PARL: variants seen among roughly 807,000 people sequenced by gnomAD.
The protein encoded by PARL is presenilin associated rhomboid like, also known as presenilin-associated rhomboid-like protein, mitochondrial.
PARL carries 44 observed loss-of-function variants against 51.6 expected under a neutral mutation model. That is an observed-to-expected ratio of 0.85 (90% confidence interval 0.67 to 1.10). The LOEUF is 1.10. Ranked by LOEUF, PARL falls within the 50% of genes least tolerant of loss-of-function variation. The pLI is 0.00. For missense variants in PARL, 441 were observed against 469.5 expected (o/e 0.94, Z 0.56); for synonymous variants, 172 against 164.0 (o/e 1.05, Z -0.37).
chr3:183,873,653 G>A (rs1011914850), intron 1 of PARL, among the ~76,000 whole-genome samples: 3 of 152,036 alleles, frequency 2.0e-5, no homozygotes, highest in Non-Finnish European at 2.9e-5. Context: ...CAAAGGATAA[G>A]AAATACAAAG....
intron 4 of PARL, among the ~76,000 whole-genome samples, chr3:183,855,264 A>G (rs954393788): frequency 6.6e-6 from 1 of 152,148 alleles, no homozygotes; most frequent in African/African-American, 2.4e-5. Flanking sequence ...AATATAATAA[A>G]AACCACTGAA....
chr3:183,826,829 C>G, downstream of PARL: 4 of 951,794 alleles, frequency 4.2e-6, no homozygotes, highest in Non-Finnish European at 5.0e-6. Context: ...GCGCTTGGGA[C>G]TAAAATTCTC....
downstream of PARL, among the ~76,000 whole-genome samples, chr3:183,828,435 G>A (rs530889894): frequency 2.6e-5 from 4 of 152,282 alleles, no homozygotes; most frequent in Admixed American, 6.5e-5. Flanking sequence ...CCGTTTCCTC[G>A]CTGGCAAAAT....
intron 1 of PARL, among the ~76,000 whole-genome samples, chr3:183,882,524 A>G (rs1734688188): frequency 1.3e-5 from 2 of 151,796 alleles, no homozygotes; most frequent in Non-Finnish European, 2.9e-5. Context: ...CAATTCAACT[A>G]TTTTCTTCCC....
intron 6 of PARL, among the ~76,000 whole-genome samples, chr3:183,841,692 A>G (rs1222279933): frequency 6.6e-6 from 1 of 152,246 alleles, no homozygotes; most frequent in Non-Finnish European, 1.5e-5. Context: ...CTGTCACGTT[A>G]GCAGCATCTA....
At chr3:183,841,078 T>C (rs1729256949) in intron 6 of PARL, among the ~76,000 whole-genome samples, 2 of 152,128 alleles carry the variant, frequency 1.3e-5, no homozygotes, top group African/African-American at 4.8e-5. Flanking sequence ...TCCTCAACTA[T>C]AACATGAAGA....
chr3:183,828,491 A>C (rs1270394231), downstream of PARL, among the ~76,000 whole-genome samples: 1 of 152,218 alleles, frequency 6.6e-6, no homozygotes, highest in African/African-American at 2.4e-5. Flanking sequence ...CGAGTTTAGA[A>C]CAGAATCCTG....
chr3:183,827,257 G>A (rs927805380), downstream of PARL, among the ~76,000 whole-genome samples: 6 of 152,078 alleles, frequency 3.9e-5, no homozygotes, highest in Non-Finnish European at 8.8e-5. Flanking sequence ...TTTGAGAACT[G>A]CCTGGGCAAC....
At chr3:183,844,500 C>A in intron 4 of PARL, 174 bp from the exon 5 acceptor site, 4 of 600,078 alleles carry the variant, frequency 6.7e-6, no homozygotes, top group Non-Finnish European at 6.0e-6. Context: ...AGTATCAGCA[C>A]TGCCTAGGGT....
intron 9 of PARL, among the ~76,000 whole-genome samples, chr3:183,833,001 G>A (rs1302542860): frequency 6.6e-6 from 1 of 152,158 alleles, no homozygotes; most frequent in Non-Finnish European, 1.5e-5. Flanking sequence ...CATACAGCGG[G>A]TACTCAGTAA....
rs770023632 is a variant in PARL, at chr3:183,833,568, T to C, written c.952A>G (p.Met318Val). ...AGNALKAIIA[M>V]DTAGMILGWK... Reference sequence around the variant, plus strand: ...CCCAGGATCATTCCTGCTGTATCCATGGCGATAATGGCTTTCAGGGCCTGA... The same window carrying C: ...CCCAGGATCATTCCTGCTGTATCCACGGCGATAATGGCTTTCAGGGCCTGA... The change falls in exon 9 of 10, where the codon ATG (methionine) becomes GTG (valine). Residue 318 changes from methionine to valine, a missense_variant. Transcript: ENST00000317096. 1.9e-6 allele frequency: 3 copies of C among 1,613,406 alleles called. No individual in the cohort carries two copies. Among genetic ancestry groups the C allele is most frequent in the African/African-American group, 2.7e-5 (2 of 74,890 alleles).
At chr3:183,884,604 A>G (rs954982151) in intron 1 of PARL, 118 bp downstream of exon 1, 3 of 981,000 alleles carry the variant, frequency 3.1e-6, no homozygotes, top group Non-Finnish European at 3.1e-6. Flanking sequence ...GGGGCAGGTA[A>G]GGTGAAGGGG....
chr3:183,882,178 T>C (rs1734508105), intron 1 of PARL, among the ~76,000 whole-genome samples: 1 of 122,550 alleles, frequency 8.2e-6, no homozygotes, highest in Admixed American at 9.4e-5. Flanking sequence ...CACTCCAGCC[T>C]GGGAAACAGA....
chr3:183,879,362 C>CT (rs77808351), intron 1 of PARL, among the ~76,000 whole-genome samples: 1 of 152,110 alleles, frequency 6.6e-6, no homozygotes, highest in East Asian at 1.9e-4. Flanking sequence ...GAGAAGACAA[C>CT]TTTTTTTTCT....
rs576376716 is a variant in PARL at position 183,876,610 on chromosome 3, T to TA, written c.125+8111dup. Among the ~76,000 whole-genome samples the TA allele has an allele frequency of 3.6e-3, 326 of 91,696 alleles. 1 individual carries two copies. The highest frequency in any genetic ancestry group is 6.2e-3 in the South Asian group (16 of 2,564). The allele number at this position is 91,696 out of a possible 152,430, so 60.2% of individuals were successfully genotyped here. On this transcript the variant is annotated intron_variant, in intron 1 of 9. Transcript: ENST00000317096. The stretch of plus-strand genomic sequence containing the variant: ...TTATTCCCCTAAGAAATACATTTTG[T>TA]AAAAAAAAAAAAAAAAAAAAAAAAA...
At chr3:183,870,447 GTTC>G (rs1393886058) in intron 1 of PARL, among the ~76,000 whole-genome samples, 1 of 151,788 alleles carries the variant, frequency 6.6e-6, no homozygotes, top group African/African-American at 2.4e-5. Flanking sequence ...CCTGTTGCAT[GTTC>G]TTCTGGCCTC....
intron 1 of PARL, among the ~76,000 whole-genome samples, chr3:183,884,150 G>A (rs936092375): frequency 6.6e-6 from 1 of 152,128 alleles, no homozygotes; most frequent in African/African-American, 2.4e-5. Flanking sequence ...TCAACCATAC[G>A]CTTCACACTT....
Position 183,846,041 on chromosome 3 carries a change from T to G in PARL, c.512-1715A>C, listed in dbSNP as rs901112014. Among the ~76,000 whole-genome samples, 4 of 152,098 alleles carry G rather than the reference T, an allele frequency of 2.6e-5. No homozygotes were observed. The East Asian group carries it at 7.7e-4, about 29-fold the overall frequency. ...TACTAGGCTGAAAAATGGCAACGACTACTCTGCTTCCTCTGTCAGTTCCAT... is the reference window on the plus strand; with the variant it reads ...TACTAGGCTGAAAAATGGCAACGACGACTCTGCTTCCTCTGTCAGTTCCAT... On this transcript the variant is annotated intron_variant, in intron 4 of 9. Coordinates refer to ENST00000317096, the MANE Select transcript of PARL (RefSeq NM_018622.7).
At chr3:183,846,583 C>T in intron 4 of PARL, 1 of 985,188 alleles carries the variant, frequency 1.0e-6, no homozygotes, top group South Asian at 4.7e-5. Flanking sequence ...AATCCAAACG[C>T]AAGAAGCTTT....
Sources: allele counts gnomAD v4.1 joint callset (sites outside exome capture counted in the v4.1 genomes callset), GRCh38; gene constraint gnomAD v4.1.1; transcripts MANE v1.5; gene names NCBI Gene and HGNC (gene_info 2026-07-23, HGNC 2026-07-21).